Variants in GRID2 observed in about 807,000 individuals in gnomAD.
GRID2 encodes the protein glutamate receptor ionotropic, delta-2.
GRID2 carries 33 observed loss-of-function variants against 114.8 expected under a neutral mutation model. That is an observed-to-expected ratio of 0.29 (90% CI 0.22 to 0.38). The LOEUF is 0.38. GRID2 is among the 10% of genes least tolerant of loss of function. The pLI is 1.00. For missense variants in GRID2, 1,184 were observed against 1,257.7 expected (o/e 0.94, Z 0.89); for synonymous variants, 505 against 449.9 (o/e 1.12, Z -1.55).
intron 14 of GRID2, among the ~76,000 whole-genome samples, chr4:93,652,898 GA>G (rs1722712904): frequency 6.6e-6 from 1 of 151,318 alleles, no homozygotes; most frequent in Non-Finnish European, 1.5e-5. Context: ...AGCCTGGGAA[GA>G]TACACAAAGG....
intron 1 of GRID2, among the ~76,000 whole-genome samples, chr4:92,474,107 A>G (rs892212470): frequency 6.6e-6 from 1 of 151,276 alleles, no homozygotes; most frequent in Non-Finnish European, 1.5e-5. Context: ...GTTAAAAATT[A>G]TGTCTCCAGG....
At chr4:92,756,637 G>T (rs1482720561) in intron 2 of GRID2, among the ~76,000 whole-genome samples, 2 of 152,000 alleles carry the variant, frequency 1.3e-5, no homozygotes, top group Non-Finnish European at 1.5e-5. Context: ...CATTCTAAGT[G>T]GGGTAAGATG....
At chr4:92,733,797 G>T (rs917793608) in intron 2 of GRID2, among the ~76,000 whole-genome samples, 6 of 152,034 alleles carry the variant, frequency 3.9e-5, no homozygotes, top group African/African-American at 9.7e-5. Context: ...AAACTGGTGT[G>T]ATTACTGGTG....
chr4:93,614,006 G>A (rs1333844544), intron 13 of GRID2, among the ~76,000 whole-genome samples: 3 of 151,962 alleles, frequency 2.0e-5, no homozygotes, highest in East Asian at 2.0e-4. Flanking sequence ...GTGGGATATA[G>A]TCTCGTGGTG....
chr4:92,363,093 T>G (rs548609763), intron 1 of GRID2, among the ~76,000 whole-genome samples: 20 of 152,162 alleles, frequency 1.3e-4, no homozygotes, highest in African/African-American at 3.6e-4. Context: ...TTTCAAAATC[T>G]TACTACTCAG....
chr4:92,504,930 G>T (rs992402694), intron 1 of GRID2, among the ~76,000 whole-genome samples: 1 of 151,912 alleles, frequency 6.6e-6, no homozygotes, highest in African/African-American at 2.4e-5. Context: ...AAATAAAATT[G>T]TACTTGTTTT....
Position 92,947,343 on chromosome 4 carries a change from T to A in GRID2, c.245-137652T>A, listed in dbSNP as rs868226477. 2.6e-5 allele frequency among the ~76,000 whole-genome samples: 4 copies of A among 152,166 alleles called. No homozygotes were observed. In the East Asian group the frequency reaches 7.7e-4, roughly 29 times the overall value. On this transcript the variant is annotated intron_variant, in intron 2 of 15. Coordinates refer to ENST00000282020, the MANE Select transcript of GRID2 (RefSeq NM_001510.4). ...TGTGCTAATATGAAAGAAATATTTA[T>A]TAAATGTGCTATGTTTAACAAAATA...
chr4:92,868,706 AGTGTGTGTGT>A (rs201335750), intron 2 of GRID2, among the ~76,000 whole-genome samples: 2 of 148,418 alleles, frequency 1.3e-5, no homozygotes, highest in African/African-American at 2.5e-5. Flanking sequence ...CATTTTATGT[AGTGTGTGTGT>A]GTGTGTGTGT....
rs540925241 is a variant in GRID2 at position 93,302,791 on chromosome 4, T to A, written c.1245+64301T>A. The A allele has an allele frequency of 1.5e-3, 472 of 322,028 alleles. 2 individuals are homozygous for A. Among genetic ancestry groups the A allele is most frequent in the Middle Eastern group, 2.3e-3 (2 of 866 alleles). 19.9% of individuals were successfully genotyped at this position (322,028 alleles called of 1,614,324 possible). ...CACAGTATTTTAAAGAGAGACTAAT[T>A]ATAATGATTACTATTGTAAGAAAGT... On this transcript the variant is annotated intron_variant, in intron 8 of 15. Coordinates refer to ENST00000282020, the MANE Select transcript of GRID2 (RefSeq NM_001510.4).
intron 2 of GRID2, among the ~76,000 whole-genome samples, chr4:93,018,912 G>A (rs916697232): frequency 6.6e-6 from 1 of 152,038 alleles, no homozygotes; most frequent in Non-Finnish European, 1.5e-5. Flanking sequence ...AAAGTAAAAG[G>A]CCTACTCAGA....
At chr4:93,407,075 C>T (rs1190278996) in intron 9 of GRID2, among the ~76,000 whole-genome samples, 1 of 152,134 alleles carries the variant, frequency 6.6e-6, no homozygotes, top group East Asian at 1.9e-4. Flanking sequence ...CAAAATGCTG[C>T]AGTCTTCCAT....
chr4:92,328,873 C>T (rs1044155273), intron 1 of GRID2, among the ~76,000 whole-genome samples: 2 of 151,986 alleles, frequency 1.3e-5, no homozygotes, highest in African/African-American at 4.8e-5. Flanking sequence ...ATATTAATTT[C>T]TGTTTTCATG....
intron 2 of GRID2, among the ~76,000 whole-genome samples, chr4:92,957,551 T>C (rs1752501511): frequency 6.6e-6 from 1 of 152,140 alleles, no homozygotes; most frequent in African/African-American, 2.4e-5. Context: ...TTGACCACTG[T>C]AGCTTTATAA....
At chr4:93,558,489 T>C (rs996936459) in intron 13 of GRID2, among the ~76,000 whole-genome samples, 1 of 152,064 alleles carries the variant, frequency 6.6e-6, no homozygotes, top group African/African-American at 2.4e-5. Context: ...AAATCTAGAA[T>C]AAATGGATAA....
At chr4:93,491,585 A>C (rs1047064782) in intron 12 of GRID2, among the ~76,000 whole-genome samples, 2 of 151,894 alleles carry the variant, frequency 1.3e-5, no homozygotes, top group Non-Finnish European at 2.9e-5. Context: ...AATTTTCCTG[A>C]AAATGTTTTA....
At chr4:92,882,159 A>AT (rs2149458981) in intron 2 of GRID2, among the ~76,000 whole-genome samples, 1 of 152,142 alleles carries the variant, frequency 6.6e-6, no homozygotes, top group South Asian at 2.1e-4. Context: ...GAAAGGTGAT[A>AT]TTTTTTGTCT....
chr4:92,339,223 A>T (rs1727347519), intron 1 of GRID2, among the ~76,000 whole-genome samples: 1 of 152,134 alleles, frequency 6.6e-6, no homozygotes, highest in Admixed American at 6.6e-5. Context: ...ATTGATATAC[A>T]AACATTAAGA....
intron 2 of GRID2, among the ~76,000 whole-genome samples, chr4:93,054,663 CT>C (rs1333266638): frequency 6.6e-6 from 1 of 151,808 alleles, no homozygotes; most frequent in Non-Finnish European, 1.5e-5. Flanking sequence ...CACCTCTTCC[CT>C]GCTTTGGTAG....
intron 2 of GRID2, among the ~76,000 whole-genome samples, chr4:92,781,725 T>C (rs1240418006): frequency 6.6e-6 from 1 of 152,104 alleles, no homozygotes; most frequent in African/African-American, 2.4e-5. Context: ...GGGATTCTAA[T>C]ATTCTATATA....
Sources: gnomAD v4.1 joint callset for allele counts (sites outside exome capture counted in the v4.1 genomes callset) on GRCh38, gnomAD v4.1.1 for gene constraint, MANE v1.5 for transcripts, NCBI Gene and HGNC (gene_info 2026-07-23, HGNC 2026-07-21) for gene names.